Variants in TDRD5 observed in about 807,000 individuals in gnomAD.
TDRD5 encodes the protein tudor domain-containing protein 5.
A neutral mutation model predicts 120.6 loss-of-function variants in TDRD5; 41 were observed. The observed-to-expected ratio is 0.34, with a 90% CI of 0.26 to 0.44. TDRD5 has a LOEUF of 0.44. Among genes scored for constraint, TDRD5 ranks in the 20% least tolerant of loss-of-function variants. The pLI is 1.00. For synonymous variants in TDRD5, 430 were observed against 433.7 expected (o/e 0.99, Z 0.11); for missense variants, 1,006 against 1,221.2 (o/e 0.82, Z 2.63).
At chr1:179,628,356 G>C (rs1418438788) in intron 6 of TDRD5, among the ~76,000 whole-genome samples, 1 of 120,784 alleles carries the variant, frequency 8.3e-6, no homozygotes, top group Non-Finnish European at 1.6e-5. Flanking sequence ...TTTTTAAGAC[G>C]GGGTCTTGCT....
At chr1:179,688,922 G>T (rs1680925832) in intron 17 of TDRD5, among the ~76,000 whole-genome samples, 1 of 152,156 alleles carries the variant, frequency 6.6e-6, no homozygotes, top group African/African-American at 2.4e-5. Context: ...TCTCTATGAT[G>T]TTTATTCTAG....
Position 179,612,710 on chromosome 1 carries a change from G to A in TDRD5, c.832-5889G>A, listed in dbSNP as rs547514432. ...AGCACTTTGGGAGGCGGAGGTGGGT[G>A]GATCATTTGAGGTCAGGAGTTCAAG... On this transcript the variant is annotated intron_variant, in intron 4 of 17. Transcript: ENST00000444136. Among the ~76,000 whole-genome samples, 3 of 152,118 alleles carry A rather than the reference G, an allele frequency of 2.0e-5. No individual in the cohort carries two copies. The South Asian group carries it at 6.2e-4, about 32-fold the overall frequency.
intron 15 of TDRD5, among the ~76,000 whole-genome samples, chr1:179,663,000 A>T (rs992687732): frequency 6.6e-6 from 1 of 152,032 alleles, no homozygotes; most frequent in Non-Finnish European, 1.5e-5. Context: ...TTTGAAATTT[A>T]TTTTCCACTG....
rs751964115 is a variant in TDRD5 at position 179,669,817 on chromosome 1, A to G, written c.2860+413A>G. Among the ~76,000 whole-genome samples, 7 of 152,118 alleles carry G rather than the reference A, an allele frequency of 4.6e-5. No individual in the cohort carries two copies. In the South Asian group the frequency reaches 6.2e-4, roughly 14 times the overall value. ...TCTGGCATGTCACTTTCCCTTTTCT[A>G]GAATTTCATATAAATGGAATTATGT... On this transcript the variant is annotated intron_variant, in intron 17 of 17. Transcript: ENST00000444136.
intron 17 of TDRD5, among the ~76,000 whole-genome samples, chr1:179,684,043 T>C (rs1457844168): frequency 6.6e-6 from 1 of 152,094 alleles, no homozygotes; most frequent in African/African-American, 2.4e-5. Flanking sequence ...TTACTTCAGC[T>C]TTTATTTCAT....
intron 11 of TDRD5, among the ~76,000 whole-genome samples, chr1:179,649,209 A>T (rs1452428740): frequency 1.3e-5 from 2 of 151,788 alleles, no homozygotes; most frequent in Non-Finnish European, 1.5e-5. Context: ...TTTATTATTT[A>T]TGCTACTTTA....
intron 11 of TDRD5, among the ~76,000 whole-genome samples, chr1:179,644,927 GGTT>G (rs1035273719): frequency 1.3e-5 from 2 of 151,710 alleles, no homozygotes; most frequent in African/African-American, 4.8e-5. Context: ...TGCAAGCTTA[GGTT>G]ATTTCTAACC....
chr1:179,654,814 A>G (rs1011243055), intron 14 of TDRD5, among the ~76,000 whole-genome samples: 1 of 152,260 alleles, frequency 6.6e-6, no homozygotes, highest in Middle Eastern at 3.4e-3. Context: ...ATAGTAACCA[A>G]GACTAAAGTT....
At chr1:179,594,718 A>T (rs1269606372) in intron 3 of TDRD5, among the ~76,000 whole-genome samples, 7 of 152,348 alleles carry the variant, frequency 4.6e-5, no homozygotes, top group Non-Finnish European at 8.8e-5. Context: ...AACCAAGAGG[A>T]TGTGTCACAA....
In TDRD5 at chr1:179,600,562, A is replaced by T. The variant is rs1464959636; in HGVS notation, c.831+4744A>T. 4.6e-5 allele frequency among the ~76,000 whole-genome samples: 7 copies of T among 152,340 alleles called. No homozygotes were observed. In the South Asian group the frequency reaches 1.4e-3, roughly 32 times the overall value. On this transcript the variant is annotated intron_variant, in intron 4 of 17. Transcript: ENST00000444136. The stretch of plus-strand genomic sequence containing the variant: ...CAGAATGTATCCCCATTGTTAAAAG[A>T]TGCATGGCTGTATTTTTCAAAGAAC...
At chr1:179,654,926 A>C (rs1364751242) in intron 14 of TDRD5, among the ~76,000 whole-genome samples, 1 of 152,202 alleles carries the variant, frequency 6.6e-6, no homozygotes, top group East Asian at 1.9e-4. Context: ...CAGTAGCTAG[A>C]AACTAGTATT....
intron 4 of TDRD5, among the ~76,000 whole-genome samples, chr1:179,597,739 A>G (rs1039512222): frequency 8.5e-5 from 13 of 152,134 alleles, no homozygotes; most frequent in African/African-American, 2.7e-4. Context: ...ATTTAGGTAT[A>G]TTATCCATTT....
intron 17 of TDRD5, among the ~76,000 whole-genome samples, chr1:179,677,477 A>G (rs1680196970): frequency 6.6e-6 from 1 of 152,136 alleles, no homozygotes; most frequent in African/African-American, 2.4e-5. Flanking sequence ...TTATTTGAGT[A>G]GAGTATATAA....
intron 4 of TDRD5, among the ~76,000 whole-genome samples, chr1:179,615,351 T>C (rs1232276195): frequency 6.6e-6 from 1 of 152,162 alleles, no homozygotes; most frequent in Non-Finnish European, 1.5e-5. Context: ...CTGTCTCTGT[T>C]AACGTGTATG....
chr1:179,606,286 G>T (rs114362198), intron 4 of TDRD5, among the ~76,000 whole-genome samples: 1,561 of 128,526 alleles, frequency 0.012, 43 homozygotes, highest in African/African-American at 0.038. Context: ...TTTAAAAATT[G>T]GATTGTTTCT....
intron 4 of TDRD5, among the ~76,000 whole-genome samples, chr1:179,612,213 A>G (rs1676317827): frequency 6.6e-6 from 1 of 152,188 alleles, no homozygotes; most frequent in Non-Finnish European, 1.5e-5. Context: ...AAGAAAAAAA[A>G]GTTTTTCCTT....
intron 4 of TDRD5, among the ~76,000 whole-genome samples, chr1:179,609,091 C>T (rs78459340): frequency 0.011 from 1,729 of 152,154 alleles, 46 homozygotes; most frequent in East Asian, 0.11. Flanking sequence ...AGAGTTTGCT[C>T]TCTCCACGGG....
At chr1:179,608,432 G>A (rs1044305885) in intron 4 of TDRD5, among the ~76,000 whole-genome samples, 6 of 149,666 alleles carry the variant, frequency 4.0e-5, no homozygotes, top group Admixed American at 6.6e-5. Context: ...TTTCTTGCAG[G>A]TCACTGACAC....
chr1:179,599,637 T>A (rs1210090370), intron 4 of TDRD5, among the ~76,000 whole-genome samples: 1 of 152,130 alleles, frequency 6.6e-6, no homozygotes, highest in African/African-American at 2.4e-5. Context: ...CATAATGTTC[T>A]CCCAGTAACA....
Sources: allele counts gnomAD v4.1 joint callset (sites outside exome capture counted in the v4.1 genomes callset), GRCh38; gene constraint gnomAD v4.1.1; transcripts MANE v1.5; gene names NCBI Gene and HGNC (gene_info 2026-07-23, HGNC 2026-07-21).